The following CMTM8 variants were observed in gnomAD, a reference collection of about 807,000 sequenced individuals.
CMTM8 encodes the protein CKLF like MARVEL transmembrane domain containing 8, also known as CKLF-like MARVEL transmembrane domain-containing protein 8.
A neutral mutation model predicts 18.6 loss-of-function variants in CMTM8; 12 were observed. The observed-to-expected ratio is 0.65, with a 90% CI of 0.41 to 1.05. CMTM8 has a LOEUF of 1.05. CMTM8 is among the 50% of genes least tolerant of loss of function. The pLI is 0.00. For missense variants in CMTM8, 217 were observed against 227.2 expected (o/e 0.95, Z 0.29); for synonymous variants, 87 against 90.6 (o/e 0.96, Z 0.23).
At chr3:32,360,183 A>G (rs2125601024) in intron 2 of CMTM8, among the ~76,000 whole-genome samples, 1 of 152,336 alleles carries the variant, frequency 6.6e-6, no homozygotes, top group East Asian at 1.9e-4. Flanking sequence ...ACCCAGACAC[A>G]CTTTCTTAGC....
At chr3:32,363,295 G>T (rs986038728) in intron 2 of CMTM8, among the ~76,000 whole-genome samples, 9 of 152,186 alleles carry the variant, frequency 5.9e-5, no homozygotes, top group Non-Finnish European at 1.3e-4. Flanking sequence ...TTAACAGTTG[G>T]CCTGTGGTCC....
chr3:32,288,165 G>T (rs1256688138), intron 1 of CMTM8, among the ~76,000 whole-genome samples: 1 of 152,148 alleles, frequency 6.6e-6, no homozygotes, highest in Non-Finnish European at 1.5e-5. Flanking sequence ...TTGTTTCTCT[G>T]TGTTCAGGAC....
chr3:32,292,085 A>G (rs1228932302), intron 1 of CMTM8, among the ~76,000 whole-genome samples: 1 of 152,192 alleles, frequency 6.6e-6, no homozygotes, highest in African/African-American at 2.4e-5. Context: ...AGTTTTAACA[A>G]CCTGGCCTGG....
chr3:32,275,049 G>T (rs1702494567), intron 1 of CMTM8, among the ~76,000 whole-genome samples: 1 of 152,082 alleles, frequency 6.6e-6, no homozygotes, highest in Admixed American at 6.5e-5. Context: ...AGTCGCCCTG[G>T]CTTGAATGCA....
At chr3:32,304,407 A>G (rs1191639797) in intron 1 of CMTM8, among the ~76,000 whole-genome samples, 1 of 152,180 alleles carries the variant, frequency 6.6e-6, no homozygotes, top group Non-Finnish European at 1.5e-5. Context: ...TGGAGATGGC[A>G]TGGGGGAAAG....
intron 3 of CMTM8, among the ~76,000 whole-genome samples, chr3:32,368,444 C>A (rs1198088231): frequency 2.1e-5 from 3 of 143,730 alleles, no homozygotes; most frequent in African/African-American, 7.6e-5. Flanking sequence ...GGGAGTGAGA[C>A]AAGAAACTTC....
At chr3:32,241,547 G>A (rs1353515455) in intron 1 of CMTM8, among the ~76,000 whole-genome samples, 6 of 152,216 alleles carry the variant, frequency 3.9e-5, no homozygotes, top group Non-Finnish European at 8.8e-5. Flanking sequence ...GCTGCTGGGT[G>A]ATTCTGCCAG....
Position 32,254,889 on chromosome 3 carries a change from A to G in CMTM8, c.147+15770A>G, listed in dbSNP as rs74281413. On this transcript the variant is annotated intron_variant, in intron 1 of 3. Transcript: ENST00000307526. ...CCTAAAAAGAAACCCCATACCCACTAACATATATTCTCCATTTCTTCCCAA... is the reference window on the plus strand; with the variant it reads ...CCTAAAAAGAAACCCCATACCCACTGACATATATTCTCCATTTCTTCCCAA... Among the ~76,000 whole-genome samples the G allele has an allele frequency of 0.012, 1,801 of 152,252 alleles. 110 individuals are homozygous for G. The East Asian group carries it at 0.19, about 16-fold the overall frequency.
chr3:32,315,602 G>T (rs1695912456), intron 1 of CMTM8, among the ~76,000 whole-genome samples: 1 of 152,214 alleles, frequency 6.6e-6, no homozygotes, highest in South Asian at 2.1e-4. Flanking sequence ...GCTGAGCAAG[G>T]TTGGAAGGCC....
intron 1 of CMTM8, among the ~76,000 whole-genome samples, chr3:32,343,934 C>T (rs1341819950): frequency 6.6e-6 from 1 of 152,218 alleles, no homozygotes; most frequent in East Asian, 1.9e-4. Context: ...CTCCTGACCT[C>T]GAGTGATCTG....
chr3:32,334,157 C>CG lies in CMTM8; in HGVS notation c.148-23216_148-23215insG, dbSNP rs893265432. Among the ~76,000 whole-genome samples the CG allele has an allele frequency of 1.2e-4, 18 of 151,540 alleles. No individual in the cohort carries two copies. In the East Asian group the frequency reaches 3.6e-3, roughly 30 times the overall value. On this transcript the variant is annotated intron_variant, in intron 1 of 3. Coordinates refer to ENST00000307526, the MANE Select transcript of CMTM8 (RefSeq NM_178868.5). ...CCATGCCCAGCTAATTTTGTATTTT[C>CG]AGTAGAGATGGGGTTTCACCATCTT...
chr3:32,356,319 G>A (rs1341705264), intron 1 of CMTM8, among the ~76,000 whole-genome samples: 1 of 152,144 alleles, frequency 6.6e-6, no homozygotes, highest in Non-Finnish European at 1.5e-5. Flanking sequence ...GCTGTGTCCT[G>A]GGCATGTGGT....
intron 1 of CMTM8, among the ~76,000 whole-genome samples, chr3:32,245,617 T>C (rs1352836976): frequency 6.6e-6 from 1 of 152,190 alleles, no homozygotes; most frequent in Non-Finnish European, 1.5e-5. Context: ...CATGTAATAA[T>C]GTTAGGTCAC....
chr3:32,361,183 G>A (rs1179253939), intron 2 of CMTM8, among the ~76,000 whole-genome samples: 1 of 151,810 alleles, frequency 6.6e-6, no homozygotes, highest in East Asian at 1.9e-4. Context: ...GTTTCTCCAT[G>A]TTGGTCAGGC....
intron 1 of CMTM8, among the ~76,000 whole-genome samples, chr3:32,241,046 C>T (rs1242237039): frequency 1.3e-5 from 2 of 152,182 alleles, no homozygotes; most frequent in African/African-American, 4.8e-5. Context: ...CCTTGGCCTC[C>T]TAAGGTGCTG....
intron 1 of CMTM8, among the ~76,000 whole-genome samples, chr3:32,347,442 C>T (rs868611008): frequency 6.0e-5 from 9 of 150,092 alleles, no homozygotes; most frequent in Admixed American, 1.3e-4. Flanking sequence ...GGCCACCCCC[C>T]GGCACAGCAC....
intron 1 of CMTM8, among the ~76,000 whole-genome samples, chr3:32,248,757 A>T (rs1223564724): frequency 1.3e-5 from 2 of 151,692 alleles, no homozygotes; most frequent in African/African-American, 2.4e-5. Flanking sequence ...ATCATAACTC[A>T]TTGTAACCAC....
chr3:32,310,301 A>G (rs1334194647), intron 1 of CMTM8, among the ~76,000 whole-genome samples: 2 of 152,064 alleles, frequency 1.3e-5, no homozygotes, highest in Admixed American at 1.3e-4. Context: ...GAGCAAAGGG[A>G]TTTTGCTGGC....
chr3:32,311,138 C>G (rs536114851), intron 1 of CMTM8, among the ~76,000 whole-genome samples: 12 of 152,196 alleles, frequency 7.9e-5, no homozygotes, highest in Non-Finnish European at 1.6e-4. Context: ...AGCCTACAGG[C>G]CAGACCCAGC....
Sources: allele counts gnomAD v4.1 joint callset (sites outside exome capture counted in the v4.1 genomes callset), GRCh38; gene constraint gnomAD v4.1.1; transcripts MANE v1.5; gene names NCBI Gene and HGNC (gene_info 2026-07-23, HGNC 2026-07-21).